Variants in CTNNA3 observed in about 807,000 individuals in gnomAD.
CTNNA3 encodes the protein catenin alpha 3.
In CTNNA3, 76 loss-of-function variants were observed where a neutral mutation model predicts 95.7. The observed-to-expected ratio is 0.79, with a 90% confidence interval of 0.66 to 0.96. CTNNA3 has a LOEUF of 0.96. Among genes scored for constraint, CTNNA3 ranks in the 40% least tolerant of loss-of-function variants. The pLI is 0.00. For missense variants in CTNNA3, 1,191 were observed against 1,089.8 expected (o/e 1.09, Z -1.31); for synonymous variants, 431 against 374.4 (o/e 1.15, Z -1.74).
At chr10:67,732,912 A>AAAC (rs33931736) in intron 1 of CTNNA3, among the ~76,000 whole-genome samples, 2 of 151,136 alleles carry the variant, frequency 1.3e-5, no homozygotes, top group African/African-American at 4.9e-5. Context: ...ACACACACAC[A>AAAC]TTCTCTCTCT....
chr10:66,871,253 C>T (rs1844391580), intron 7 of CTNNA3, among the ~76,000 whole-genome samples: 1 of 152,128 alleles, frequency 6.6e-6, no homozygotes. Context: ...TAAGCTATCA[C>T]TCTGCTTTAT....
At chr10:66,926,261 GT>G (rs754590989) in intron 7 of CTNNA3, 1,180 of 407,588 alleles carry the variant, frequency 2.9e-3, no homozygotes, top group South Asian at 4.8e-3. Flanking sequence ...GTAGGATCCA[GT>G]TTTTTTTTTA....
intron 10 of CTNNA3, among the ~76,000 whole-genome samples, chr10:66,551,872 G>A (rs1027121185): frequency 4.0e-5 from 6 of 150,992 alleles, no homozygotes; most frequent in Admixed American, 6.6e-5. Flanking sequence ...GTTCATTCAC[G>A]GGATTAGGGA....
intron 11 of CTNNA3, among the ~76,000 whole-genome samples, chr10:66,472,501 G>C (rs1439336102): frequency 6.6e-6 from 1 of 151,848 alleles, no homozygotes; most frequent in African/African-American, 2.4e-5. Context: ...TTATTTTAGA[G>C]ATTTTTTATT....
intron 7 of CTNNA3, among the ~76,000 whole-genome samples, chr10:67,015,648 A>C (rs1046619156): frequency 6.6e-6 from 1 of 152,214 alleles, no homozygotes; most frequent in Non-Finnish European, 1.5e-5. Flanking sequence ...TGTTCTATCT[A>C]AAATTGTCCT....
At chr10:66,317,093 A>G (rs905560061) in intron 12 of CTNNA3, among the ~76,000 whole-genome samples, 1 of 152,162 alleles carries the variant, frequency 6.6e-6, no homozygotes, top group African/African-American at 2.4e-5. Flanking sequence ...CTTATATCAA[A>G]TGTAAGTGAA....
At chr10:66,799,776 A>G (rs1447710340) in intron 7 of CTNNA3, among the ~76,000 whole-genome samples, 1 of 151,508 alleles carries the variant, frequency 6.6e-6, no homozygotes, top group African/African-American at 2.4e-5. Context: ...GTGAGCCCCA[A>G]CTAGGATAAA....
At chr10:67,629,191 AT>A (rs1839057409) in intron 2 of CTNNA3, among the ~76,000 whole-genome samples, 1 of 152,114 alleles carries the variant, frequency 6.6e-6, no homozygotes, top group African/African-American at 2.4e-5. Flanking sequence ...AAAGGCTACA[AT>A]TCCCCTGTGT....
intron 11 of CTNNA3, among the ~76,000 whole-genome samples, chr10:66,489,404 T>C (rs747336377): frequency 6.6e-6 from 1 of 152,032 alleles, no homozygotes; most frequent in Non-Finnish European, 1.5e-5. Flanking sequence ...TTGTAACTCA[T>C]GAAAATAGAT....
intron 13 of CTNNA3, among the ~76,000 whole-genome samples, chr10:66,240,548 A>C (rs1184754743): frequency 1.3e-5 from 2 of 152,126 alleles, no homozygotes; most frequent in Non-Finnish European, 2.9e-5. Context: ...ACAGACTACA[A>C]AATTAAAGGA....
chr10:66,857,554 T>C (rs1262241770), intron 7 of CTNNA3, among the ~76,000 whole-genome samples: 1 of 152,116 alleles, frequency 6.6e-6, no homozygotes, highest in Admixed American at 6.6e-5. Flanking sequence ...AGGATGTTTT[T>C]CCATTTGCTT....
chr10:67,647,532 C>G lies in CTNNA3; in HGVS notation c.-5-14G>C, dbSNP rs1280401670. 3.1e-6 allele frequency: 5 copies of G among 1,597,976 alleles called. 1 individual carries two copies. In the South Asian group the frequency reaches 3.3e-5, roughly 11 times the overall value. On this transcript the variant is annotated splice_polypyrimidine_tract_variant and intron_variant, in intron 1 of 17. Transcript: ENST00000433211. ...CTGACATGCTGCCTGTGCACAAACA[C>G]AAAAGGATGCTTATTAATAAAGAAA... is the stretch of plus-strand genomic sequence containing the variant.
chr10:66,611,130 C>T (rs576998533), intron 10 of CTNNA3, among the ~76,000 whole-genome samples: 21 of 151,740 alleles, frequency 1.4e-4, no homozygotes, highest in African/African-American at 4.1e-4. Flanking sequence ...TACCAGAGGC[C>T]GGAAAGAGAA....
chr10:67,210,963 G>A (rs569470201), intron 6 of CTNNA3, among the ~76,000 whole-genome samples: 7 of 152,164 alleles, frequency 4.6e-5, no homozygotes, highest in East Asian at 3.9e-4. Flanking sequence ...TCAAGGAATC[G>A]GCATCCAAGA....
intron 7 of CTNNA3, among the ~76,000 whole-genome samples, chr10:66,932,575 A>C (rs1277526849): frequency 6.6e-6 from 1 of 152,186 alleles, no homozygotes; most frequent in Non-Finnish European, 1.5e-5. Context: ...AATCAGAGGC[A>C]GTTGGGGGAA....
At chr10:66,694,239 A>G (rs564181228) in intron 9 of CTNNA3, among the ~76,000 whole-genome samples, 1 of 152,236 alleles carries the variant, frequency 6.6e-6, no homozygotes, top group African/African-American at 2.4e-5. Context: ...AAGAAAAGAG[A>G]GAAGAATCAA....
chr10:66,799,685 G>A (rs1012153586), intron 7 of CTNNA3, among the ~76,000 whole-genome samples: 14 of 151,172 alleles, frequency 9.3e-5, no homozygotes, highest in Admixed American at 1.3e-4. Context: ...AAATGAAACT[G>A]AAAGCAATAT....
At chr10:67,481,203 C>T (rs1848210705) in intron 5 of CTNNA3, among the ~76,000 whole-genome samples, 1 of 152,128 alleles carries the variant, frequency 6.6e-6, no homozygotes. Context: ...AAGCACTCCC[C>T]TGGAGAGCTG....
At chr10:67,318,148 T>A (rs935099188) in intron 5 of CTNNA3, among the ~76,000 whole-genome samples, 2 of 152,116 alleles carry the variant, frequency 1.3e-5, no homozygotes, top group Non-Finnish European at 1.5e-5. Context: ...TTACTCAGGA[T>A]TAGGCACCCC....
Sources: gnomAD v4.1 joint callset for allele counts (sites outside exome capture counted in the v4.1 genomes callset) on GRCh38, gnomAD v4.1.1 for gene constraint, MANE v1.5 for transcripts, NCBI Gene and HGNC (gene_info 2026-07-23, HGNC 2026-07-21) for gene names.